Variants in NELL1 observed in about 807,000 individuals in gnomAD.
The protein encoded by NELL1 is protein kinase C-binding protein NELL1.
In NELL1, 76 loss-of-function variants were observed where a neutral mutation model predicts 107.4. That is an observed-to-expected ratio of 0.71 (90% CI 0.59 to 0.86). The LOEUF is 0.86. Ranked by LOEUF, NELL1 falls within the 40% of genes least tolerant of loss-of-function variation. The probability of loss-of-function intolerance (pLI) is 0.00; values close to 1 mark genes in which losing one functional copy is unlikely to be tolerated. For synonymous variants in NELL1, 353 were observed against 341.2 expected (o/e 1.03, Z -0.38); for missense variants, 1,024 against 1,005.5 (o/e 1.02, Z -0.25).
At chr11:20,673,519 C>G (rs1853972632) in intron 1 of NELL1, among the ~76,000 whole-genome samples, 1 of 152,128 alleles carries the variant, frequency 6.6e-6, no homozygotes, top group South Asian at 2.1e-4. Context: ...ATGTCTGGGA[C>G]CCCAAAGGTG....
chr11:21,237,611 C>T (rs1048728392), intron 14 of NELL1, among the ~76,000 whole-genome samples: 4 of 152,014 alleles, frequency 2.6e-5, no homozygotes, highest in Non-Finnish European at 4.4e-5. Flanking sequence ...TGATTGTGTA[C>T]TTATGATGGG....
chr11:20,942,464 G>T (rs971777469), intron 10 of NELL1, among the ~76,000 whole-genome samples: 29 of 152,130 alleles, frequency 1.9e-4, no homozygotes, highest in African/African-American at 7.0e-4. Context: ...GGCTCCCAGG[G>T]TTGGGAGTAG....
chr11:21,316,177 C>A (rs1849877259), intron 14 of NELL1, among the ~76,000 whole-genome samples: 2 of 151,976 alleles, frequency 1.3e-5, no homozygotes, highest in Admixed American at 6.6e-5. Context: ...ATCACCACAG[C>A]TAAATCCCTG....
At chr11:20,860,987 T>C (rs144919680) in intron 4 of NELL1, among the ~76,000 whole-genome samples, 7 of 152,292 alleles carry the variant, frequency 4.6e-5, no homozygotes, top group East Asian at 3.9e-4. Context: ...TTCATAAAAT[T>C]TGAAGCTCAC....
At chr11:20,868,624 G>C (rs1271843828) in intron 4 of NELL1, among the ~76,000 whole-genome samples, 3 of 151,934 alleles carry the variant, frequency 2.0e-5, no homozygotes, top group African/African-American at 7.3e-5. Context: ...AATTGTACAT[G>C]AATTATATGA....
At chr11:20,918,306 T>G (rs755843479) in intron 6 of NELL1, 52 bp downstream of exon 6, 1 of 1,119,752 alleles carries the variant, frequency 8.9e-7, no homozygotes, top group Non-Finnish European at 1.4e-6. Flanking sequence ...GTTGATTGTA[T>G]CAGAGAAACA....
intron 11 of NELL1, among the ~76,000 whole-genome samples, chr11:20,948,236 A>T (rs1373404511): frequency 6.6e-6 from 1 of 151,408 alleles, no homozygotes; most frequent in African/African-American, 2.4e-5. Flanking sequence ...TTTTTTTTTT[A>T]GAGACTGGGT....
At chr11:20,713,657 C>A (rs977384231) in intron 2 of NELL1, among the ~76,000 whole-genome samples, 1 of 152,088 alleles carries the variant, frequency 6.6e-6, no homozygotes, top group African/African-American at 2.4e-5. Flanking sequence ...TTCCTGGCCA[C>A]CCCCCAGATT....
chr11:20,705,294 A>G (rs1207141947), intron 2 of NELL1, among the ~76,000 whole-genome samples: 1 of 152,188 alleles, frequency 6.6e-6, no homozygotes, highest in African/African-American at 2.4e-5. Flanking sequence ...CCAAAACAGC[A>G]TGGTACTGGT....
intron 11 of NELL1, among the ~76,000 whole-genome samples, chr11:20,953,946 T>C (rs1224988042): frequency 6.6e-6 from 1 of 152,174 alleles, no homozygotes; most frequent in African/African-American, 2.4e-5. Flanking sequence ...GTATTCCTAT[T>C]GTCTGGTATA....
intron 17 of NELL1, among the ~76,000 whole-genome samples, chr11:21,563,002 A>G (rs768354612): frequency 6.6e-6 from 1 of 152,044 alleles, no homozygotes; most frequent in Non-Finnish European, 1.5e-5. Flanking sequence ...TTTAGATTCT[A>G]TGTACTTCCT....
rs555736260 is a variant in NELL1, at chr11:21,069,543, AT to A, written c.1301-44045del. Among the ~76,000 whole-genome samples the A allele has an allele frequency of 1.4e-4, 21 of 152,294 alleles. 1 individual carries two copies. The South Asian group carries it at 3.9e-3, about 29-fold the overall frequency. On this transcript the variant is annotated intron_variant, in intron 12 of 19. Transcript: ENST00000357134. ...GGAAGCAACATGGGGAGTAAAATCTATGCATTTAGTCCAGTAAGTCCCACCC... is the reference window on the plus strand; with the variant it reads ...GGAAGCAACATGGGGAGTAAAATCTAGCATTTAGTCCAGTAAGTCCCACCC...
At chr11:21,563,126 C>A (rs1022924768) in intron 17 of NELL1, among the ~76,000 whole-genome samples, 1 of 152,026 alleles carries the variant, frequency 6.6e-6, no homozygotes, top group Admixed American at 6.6e-5. Flanking sequence ...CACAGGAACC[C>A]AGATGAAAAG....
intron 12 of NELL1, among the ~76,000 whole-genome samples, chr11:21,092,424 C>G (rs1322751246): frequency 6.6e-6 from 1 of 151,954 alleles, no homozygotes; most frequent in Admixed American, 6.6e-5. Flanking sequence ...AATAAAGATA[C>G]TATTACATGA....
chr11:20,799,432 T>C (rs552517422), intron 3 of NELL1, among the ~76,000 whole-genome samples: 1 of 152,354 alleles, frequency 6.6e-6, no homozygotes, highest in South Asian at 2.1e-4. Context: ...CATCCATCCA[T>C]AGTGTTCCTT....
intron 2 of NELL1, among the ~76,000 whole-genome samples, chr11:20,748,879 TCC>T (rs1856064706): frequency 6.8e-6 from 1 of 147,588 alleles, no homozygotes; most frequent in Non-Finnish European, 1.5e-5. Context: ...CTATCATCCA[TCC>T]ATCCATCCAT....
chr11:21,165,082 A>T (rs1856451718), intron 13 of NELL1, among the ~76,000 whole-genome samples: 1 of 152,194 alleles, frequency 6.6e-6, no homozygotes, highest in Non-Finnish European at 1.5e-5. Flanking sequence ...TATTGTTATT[A>T]ATCTTGAAAG....
chr11:20,751,296 C>T (rs1042698321), intron 2 of NELL1, among the ~76,000 whole-genome samples: 1 of 151,874 alleles, frequency 6.6e-6, no homozygotes, highest in Non-Finnish European at 1.5e-5. Flanking sequence ...TGCATTAAAT[C>T]TATGCATCAA....
intron 13 of NELL1, among the ~76,000 whole-genome samples, chr11:21,126,573 T>C (rs1307186973): frequency 6.6e-6 from 1 of 152,180 alleles, no homozygotes; most frequent in African/African-American, 2.4e-5. Context: ...TTTTAAGGTT[T>C]GATCATGTGA....
Sources: allele counts gnomAD v4.1 joint callset (sites outside exome capture counted in the v4.1 genomes callset), GRCh38; gene constraint gnomAD v4.1.1; transcripts MANE v1.5; gene names NCBI Gene and HGNC (gene_info 2026-07-23, HGNC 2026-07-21).